WSCD2: variants seen among roughly 807,000 people sequenced by gnomAD.
WSCD2 encodes sialate:O-sulfotransferase 2.
A neutral mutation model predicts 55.7 loss-of-function variants in WSCD2; 28 were observed. The observed-to-expected ratio is 0.50, with a 90% CI of 0.37 to 0.69. The LOEUF is 0.69. Among genes scored for constraint, WSCD2 ranks in the 30% least tolerant of loss-of-function variants. The pLI is 0.00. For synonymous variants in WSCD2, 301 were observed against 301.9 expected (o/e 1.00, Z 0.03); for missense variants, 616 against 762.1 (o/e 0.81, Z 2.26).
At chr12:108,187,520 T>C (rs913730138) in intron 1 of WSCD2, among the ~76,000 whole-genome samples, 5 of 152,220 alleles carry the variant, frequency 3.3e-5, no homozygotes, top group Non-Finnish European at 5.9e-5. Context: ...ACTTGCTAGC[T>C]GTGTGATGCT....
At chr12:108,190,033 T>C (rs1882962363) in intron 1 of WSCD2, among the ~76,000 whole-genome samples, 1 of 152,232 alleles carries the variant, frequency 6.6e-6, no homozygotes, top group South Asian at 2.1e-4. Flanking sequence ...TTTGTATATA[T>C]TGACTTATTT....
rs147526788 is a variant in WSCD2 at position 108,250,246 on chromosome 12, G to A, written c.*1903G>A. On this transcript the variant is annotated 3_prime_UTR_variant, in exon 9 of 9. Coordinates refer to ENST00000547525, the MANE Select transcript of WSCD2 (RefSeq NM_014653.4). ...AACAGAGACAGAGAGAGGCAGAGAG[G>A]CATAGAGAGACAGAGAGAGAGACAA... is the stretch of plus-strand genomic sequence containing the variant. The A allele has an allele frequency of 6.8e-4, 103 of 151,376 alleles. 1 individual carries two copies. Among genetic ancestry groups the A allele is most frequent in the South Asian group, 3.6e-3 (17 of 4,734 alleles). The allele number at this position is 151,376 out of a possible 1,614,324, so 9.4% of individuals were successfully genotyped here. A position where few individuals can be genotyped will look rare whatever the true frequency, so the allele number is the denominator to read the frequency against.
intron 1 of WSCD2, among the ~76,000 whole-genome samples, chr12:108,194,106 CTTGACTGATGATCCTGAACAT>C (rs1883572836): frequency 6.6e-6 from 1 of 152,196 alleles, no homozygotes; most frequent in Non-Finnish European, 1.5e-5. Context: ...TATTTTTCCT[CTTGACTGATGATCCTGAACAT>C]TTACTCATAA....
intron 2 of WSCD2, among the ~76,000 whole-genome samples, chr12:108,205,261 G>T (rs993850115): frequency 6.6e-6 from 1 of 152,136 alleles, no homozygotes; most frequent in African/African-American, 2.4e-5. Context: ...CATATGAACT[G>T]TGTTACTTTG....
intron 1 of WSCD2, among the ~76,000 whole-genome samples, chr12:108,191,938 G>T (rs1198738174): frequency 6.6e-6 from 1 of 152,130 alleles, no homozygotes; most frequent in Non-Finnish European, 1.5e-5. Context: ...TTCCCTGCCA[G>T]CCCCTAATGA....
At chr12:108,132,180 A>G (rs1234573321) in intron 1 of WSCD2, among the ~76,000 whole-genome samples, 4 of 152,068 alleles carry the variant, frequency 2.6e-5, no homozygotes, top group Non-Finnish European at 4.4e-5. Context: ...CCCCGGGTTT[A>G]TGCTGAAACC....
At chr12:108,199,226 G>C (rs1237645414) in intron 2 of WSCD2, among the ~76,000 whole-genome samples, 1 of 151,878 alleles carries the variant, frequency 6.6e-6, no homozygotes. Flanking sequence ...ACACTTCTCC[G>C]GCCTGACGCT....
Position 108,248,644 on chromosome 12 carries a change from T to C in WSCD2, c.*301T>C. 1 of 1,117,780 alleles carries C rather than the reference T, an allele frequency of 8.9e-7. No individual in the cohort carries two copies. Among genetic ancestry groups the C allele is most frequent in the Non-Finnish European group, 1.1e-6 (1 of 910,760 alleles). 69.2% of individuals were successfully genotyped at this position (1,117,780 alleles called of 1,614,324 possible). A position where few individuals can be genotyped will look rare whatever the true frequency, so the allele number is the denominator to read the frequency against. On this transcript the variant is annotated 3_prime_UTR_variant, in exon 9 of 9. Transcript: ENST00000547525. The surrounding 1 kb of genome is among the most constrained non-coding windows in gnomAD (Gnocchi z 4.3). ...GGTCCCTGCCCCCACCACTCTGGGT[T>C]CCATTTGTGGGAGGGAGGGCTCATC...
intron 1 of WSCD2, among the ~76,000 whole-genome samples, chr12:108,145,667 A>G (rs1877310645): frequency 6.6e-6 from 1 of 152,226 alleles, no homozygotes; most frequent in Admixed American, 6.5e-5. Context: ...ATCGGTATAC[A>G]CATTCTTTTA....
intron 4 of WSCD2, among the ~76,000 whole-genome samples, chr12:108,211,820 A>AT (rs59190207): frequency 0.35 from 47,261 of 134,366 alleles, 8,518 homozygotes; most frequent in East Asian, 0.53. Context: ...TGCCTGGCTA[A>AT]TTTTTTTTTT....
intron 1 of WSCD2, among the ~76,000 whole-genome samples, chr12:108,152,121 C>T (rs1005902690): frequency 2.6e-5 from 4 of 152,150 alleles, no homozygotes; most frequent in Admixed American, 6.5e-5. Flanking sequence ...AGAGGAAACC[C>T]GAGGAAGGGC....
chr12:108,240,005 G>A (rs921729603), intron 7 of WSCD2, among the ~76,000 whole-genome samples: 1 of 152,216 alleles, frequency 6.6e-6, no homozygotes, highest in Admixed American at 6.5e-5. Flanking sequence ...ACAGGCGTGA[G>A]CCACTGTGCC....
intron 2 of WSCD2, among the ~76,000 whole-genome samples, chr12:108,197,692 C>T (rs916554499): frequency 1.6e-4 from 25 of 152,070 alleles, no homozygotes; most frequent in African/African-American, 6.0e-4. Context: ...GTGCTACACC[C>T]CAGCCACTCC....
chr12:108,216,795 C>G (rs942670374), intron 4 of WSCD2, among the ~76,000 whole-genome samples: 2 of 152,052 alleles, frequency 1.3e-5, no homozygotes, highest in Non-Finnish European at 2.9e-5. Flanking sequence ...TTTTTTTCCT[C>G]CAACTCTCAT....
At chr12:108,227,803 C>G (rs147821848) in intron 6 of WSCD2, among the ~76,000 whole-genome samples, 1 of 151,380 alleles carries the variant, frequency 6.6e-6, no homozygotes, top group African/African-American at 2.4e-5. Flanking sequence ...ATGATTATGA[C>G]GATGGTGATG....
chr12:108,186,722 T>G (rs1331395296), intron 1 of WSCD2, among the ~76,000 whole-genome samples: 1 of 152,252 alleles, frequency 6.6e-6, no homozygotes, highest in African/African-American at 2.4e-5. Flanking sequence ...TTGGGTAAAT[T>G]CCCATGAGCA....
chr12:108,132,158 G>T (rs904676509), intron 1 of WSCD2, among the ~76,000 whole-genome samples: 1 of 152,156 alleles, frequency 6.6e-6, no homozygotes, highest in Admixed American at 6.5e-5. Flanking sequence ...TGGTTCTGAG[G>T]CTTGTGGGTT....
intron 1 of WSCD2, among the ~76,000 whole-genome samples, chr12:108,179,231 A>G (rs1344037202): frequency 7.3e-6 from 1 of 136,696 alleles, no homozygotes; most frequent in Non-Finnish European, 1.5e-5. Flanking sequence ...GCTCCACGGG[A>G]GTCCTGCTGT....
At chr12:108,163,476 C>T (rs1879275330) in intron 1 of WSCD2, among the ~76,000 whole-genome samples, 3 of 152,238 alleles carry the variant, frequency 2.0e-5, no homozygotes, top group Non-Finnish European at 1.5e-5. Context: ...AACCTGTCCA[C>T]GTTCAAATCC....
Sources: allele counts gnomAD v4.1 joint callset (sites outside exome capture counted in the v4.1 genomes callset), GRCh38; gene constraint gnomAD v4.1.1; non-coding constraint Gnocchi (gnomAD v3.1); transcripts MANE v1.5; gene names NCBI Gene and HGNC (gene_info 2026-07-23, HGNC 2026-07-21).